MRPL39: variants seen among roughly 807,000 people sequenced by gnomAD.
MRPL39 encodes large ribosomal subunit protein mL39.
Under a neutral mutation model 44.5 loss-of-function variants are expected in MRPL39, and 35 were observed. That is an observed-to-expected ratio of 0.79 (90% CI 0.60 to 1.04). The LOEUF (loss-of-function observed/expected upper bound fraction) is 1.04. Ranked by LOEUF, MRPL39 falls within the 50% of genes least tolerant of loss-of-function variation. The pLI, the probability that MRPL39 is intolerant of heterozygous loss-of-function variation, is 0.00. For synonymous variants in MRPL39, 139 were observed against 136.1 expected, an observed-to-expected ratio of 1.02 and a Z score of -0.15; for missense variants, 433 against 413.5, an observed-to-expected ratio of 1.05 and a Z score of -0.41.
chr21:25,596,330 C>G (rs1003378571), intron 6 of MRPL39, among the ~76,000 whole-genome samples: 1 of 152,212 alleles, frequency 6.6e-6, no homozygotes, highest in Non-Finnish European at 1.5e-5. Context: ...GATCTCCTGA[C>G]CTCGTGATCT....
chr21:25,586,225 A>AC (rs1350818136), intron 9 of MRPL39, among the ~76,000 whole-genome samples: 4 of 151,978 alleles, frequency 2.6e-5, no homozygotes. Context: ...TGAATTCAAC[A>AC]CCCCAAAACC....
At chr21:25,595,142 T>G (rs911392962) in intron 6 of MRPL39, among the ~76,000 whole-genome samples, 1 of 152,242 alleles carries the variant, frequency 6.6e-6, no homozygotes, top group Non-Finnish European at 1.5e-5. Flanking sequence ...CTCAGGGTGC[T>G]AAACAAGTAA....
intron 5 of MRPL39, among the ~76,000 whole-genome samples, chr21:25,599,593 CCT>C (rs1372249752): frequency 6.6e-6 from 1 of 152,058 alleles, no homozygotes. Context: ...CATTCACATC[CCT>C]CTGTCTTAAA....
intron 2 of MRPL39, among the ~76,000 whole-genome samples, chr21:25,604,435 C>T (rs966445277): frequency 2.6e-5 from 4 of 152,038 alleles, no homozygotes; most frequent in African/African-American, 9.7e-5. Flanking sequence ...ATCATGGATA[C>T]ATTTGGATAG....
Position 25,592,933 on chromosome 21 carries a change from G to C in MRPL39, c.800C>G (p.Pro267Arg). 6.2e-7 allele frequency: 1 copy of C among 1,613,360 alleles called. No individual in the cohort carries two copies. The highest frequency in any genetic ancestry group is 8.5e-7 in the Non-Finnish European group (1 of 1,179,534). Residue 267 changes from proline to arginine, a missense_variant, in exon 8 of 10, where the codon CCT becomes CGT. By Grantham distance (103) the Pro-to-Arg change is moderately radical. Coordinates refer to ENST00000352957, the MANE Select transcript of MRPL39 (RefSeq NM_017446.4). ...IGDFIDVSEG[P>R]LIPRTSICFQ... is the part of the protein sequence containing the mutation. ...ACAAATACTTGTTCTTGGAATAAGAGGGCCCTCACTCACATCAATGAAGTC... is the reference window on the plus strand; with the variant it reads ...ACAAATACTTGTTCTTGGAATAAGACGGCCCTCACTCACATCAATGAAGTC...
In MRPL39 at chr21:25,592,867, G is replaced by C; in HGVS notation, c.866C>G (p.Thr289Ser). 6.2e-7 allele frequency: 1 copy of C among 1,613,146 alleles called. No homozygotes were observed. Among genetic ancestry groups the C allele is most frequent in the East Asian group, 2.2e-5 (1 of 44,864 alleles). ...EVSAVHNLQP[T>S]QPSLIRRFQG... ...GAATCTTCGTATGAGACTTGGCTGG[G>C]TGGGTTGAAGATTGTGAACTGCTGA... The change falls in exon 8 of 10, where the codon ACC becomes AGC. Residue 289 changes from threonine to serine, a missense_variant. Physicochemically the swap from Thr to Ser is moderately conservative, Grantham distance 58. Coordinates refer to ENST00000352957, the MANE Select transcript of MRPL39 (RefSeq NM_017446.4).
intron 5 of MRPL39, 33 bp from the exon 6 acceptor site, chr21:25,597,447 A>C: frequency 8.1e-7 from 1 of 1,233,330 alleles, no homozygotes; most frequent in Non-Finnish European, 1.2e-6. Flanking sequence ...TTTAGTAACA[A>C]TTCACTGAAA....
intron 4 of MRPL39, among the ~76,000 whole-genome samples, chr21:25,600,225 A>G (rs1039235646): frequency 2.0e-5 from 3 of 151,922 alleles, no homozygotes; most frequent in Admixed American, 6.6e-5. Flanking sequence ...GTAAAACCCC[A>G]TCTCTACCAG....
rs1214913882 is a variant in MRPL39 at position 25,585,661 on chromosome 21, T to C, written c.*46A>G. On this transcript the variant is annotated 3_prime_UTR_variant, in exon 10 of 10. Transcript: ENST00000352957. ...TGTATAAGCACACACAAACATTATATTTAAAACATTTATTTTATTATACAT... is the reference window on the plus strand; with the variant it reads ...TGTATAAGCACACACAAACATTATACTTAAAACATTTATTTTATTATACAT... The C allele has an allele frequency of 3.8e-6, 4 of 1,056,816 alleles. No individual in the cohort carries two copies. Among genetic ancestry groups the C allele is most frequent in the African/African-American group, 1.7e-5 (1 of 60,426 alleles). 65.5% of individuals were successfully genotyped at this position (1,056,816 alleles called of 1,614,324 possible). A position where few individuals can be genotyped will look rare whatever the true frequency, so the allele number is the denominator to read the frequency against.
rs540454727 is a variant in MRPL39, at chr21:25,598,732, C to T, written c.588+1067G>A. On this transcript the variant is annotated intron_variant, in intron 5 of 9. Coordinates refer to ENST00000352957, the MANE Select transcript of MRPL39 (RefSeq NM_017446.4). ...CTCCCTCTCAATATTATGTAATATG[C>T]GCAGGATTATACAAAAAGTAATTTC... Among the ~76,000 whole-genome samples, 31 of 151,410 alleles carry T rather than the reference C, an allele frequency of 2.0e-4. No individual in the cohort carries two copies. The South Asian group carries it at 5.6e-3, about 28-fold the overall frequency.
chr21:25,602,973 T>A (rs931006985), intron 3 of MRPL39, among the ~76,000 whole-genome samples: 10 of 152,102 alleles, frequency 6.6e-5, no homozygotes, highest in Non-Finnish European at 1.5e-4. Flanking sequence ...TGATAGTGAG[T>A]TGAGTTCTCA....
At chr21:25,597,218 A>C (rs2031385906) in intron 6 of MRPL39, 84 bp downstream of exon 6, 2 of 832,824 alleles carry the variant, frequency 2.4e-6, no homozygotes. Context: ...TATATCAAAT[A>C]TAAAAATTTT....
chr21:25,607,531 C>T (rs1050691957), upstream of MRPL39: 3 of 1,574,260 alleles, frequency 1.9e-6, no homozygotes, highest in Non-Finnish European at 2.6e-6. Context: ...CCCCCGGAAA[C>T]CGAACGCGCA....
intron 5 of MRPL39, among the ~76,000 whole-genome samples, chr21:25,598,156 C>G (rs1355658139): frequency 6.6e-6 from 1 of 151,974 alleles, no homozygotes. Context: ...GAATAATTTA[C>G]TGTATAAAAA....
chr21:25,593,917 G>C lies in MRPL39; in HGVS notation c.743C>G (p.Pro248Arg), dbSNP rs2031259985. 1.2e-6 allele frequency: 2 copies of C among 1,613,624 alleles called. No homozygotes were observed. Among genetic ancestry groups the C allele is most frequent in the Non-Finnish European group, 1.7e-6 (2 of 1,179,864 alleles). Residue 248 changes from proline (P) to arginine (R), a missense_variant, in exon 7 of 10, where the codon CCT becomes CGT. Transcript: ENST00000352957. ...CCTGTGTAGCTTGACTATTCTCTCA[G>C]GGTTCTGAGATGCCTTCTCTTCTAT... ...DFIEEKASQN[P>R]ERIVKLHRIG...
At chr21:25,602,422 A>C (rs1470443171) in intron 3 of MRPL39, among the ~76,000 whole-genome samples, 1 of 152,216 alleles carries the variant, frequency 6.6e-6, no homozygotes, top group Non-Finnish European at 1.5e-5. Flanking sequence ...ATGAAGGTTA[A>C]ATGAGTTAAT....
intron 2 of MRPL39, among the ~76,000 whole-genome samples, chr21:25,605,572 T>G (rs2031638388): frequency 6.6e-6 from 1 of 152,108 alleles, no homozygotes; most frequent in Non-Finnish European, 1.5e-5. Flanking sequence ...GGCAATCCCT[T>G]TACACCAAAA....
intron 6 of MRPL39, among the ~76,000 whole-genome samples, 187 bp from the exon 7 acceptor site, chr21:25,594,145 C>A (rs2031270709): frequency 6.6e-6 from 1 of 152,072 alleles, no homozygotes; most frequent in African/African-American, 2.4e-5. Flanking sequence ...CACAGACCTG[C>A]TTGGTGTCAA....
chr21:25,586,095 C>T lies in MRPL39; in HGVS notation c.970-341G>A, dbSNP rs1304844576. ...AAGCTATTTTAAATCAGTTTATTTT[C>T]TTTTGGAGTATAATTCCATTTAGAA... On this transcript the variant is annotated intron_variant, in intron 9 of 9. Coordinates refer to ENST00000352957, the MANE Select transcript of MRPL39 (RefSeq NM_017446.4). Among the ~76,000 whole-genome samples the T allele has an allele frequency of 2.0e-5, 3 of 152,120 alleles. No homozygotes were observed. The East Asian group carries it at 5.8e-4, about 29-fold the overall frequency.
Sources: gnomAD v4.1 joint callset for allele counts (sites outside exome capture counted in the v4.1 genomes callset) on GRCh38, gnomAD v4.1.1 for gene constraint, MANE v1.5 for transcripts, NCBI Gene and HGNC (gene_info 2026-07-23, HGNC 2026-07-21) for gene names.